CYB5B: variants seen among roughly 807,000 people sequenced by gnomAD.
CYB5B encodes the protein cytochrome b5 type B (outer mitochondrial membrane).
CYB5B carries 14 observed loss-of-function variants against 21.3 expected under a neutral mutation model. The observed-to-expected ratio is 0.66, with a 90% CI of 0.43 to 1.03. The LOEUF (loss-of-function observed/expected upper bound fraction) is 1.03. Ranked by LOEUF, CYB5B falls within the 50% of genes least tolerant of loss-of-function variation. CYB5B has a pLI of 0.00. For missense variants in CYB5B, 166 were observed against 185.1 expected (o/e 0.90, Z 0.60); for synonymous variants, 69 against 68.4 (o/e 1.01, Z -0.04).
intron 1 of CYB5B, among the ~76,000 whole-genome samples, chr16:69,429,039 G>C (rs1401191422): frequency 1.3e-5 from 2 of 152,208 alleles, no homozygotes; most frequent in African/African-American, 4.8e-5. Context: ...TGGAGCAGAA[G>C]AGTGACATGA....
intron 1 of CYB5B, among the ~76,000 whole-genome samples, chr16:69,435,257 T>A (rs1347876650): frequency 6.6e-6 from 1 of 152,214 alleles, no homozygotes. Context: ...ATATATAGAC[T>A]TATTATGGCA....
intron 1 of CYB5B, 83 bp downstream of exon 1, chr16:69,424,940 G>A (rs910297464): frequency 8.8e-6 from 12 of 1,357,204 alleles, no homozygotes; most frequent in Middle Eastern, 2.0e-4. Flanking sequence ...GGGAAGGAAG[G>A]GAGGCTTGGC....
intron 1 of CYB5B, among the ~76,000 whole-genome samples, chr16:69,425,099 T>C (rs8047297): frequency 0.18 from 26,889 of 152,160 alleles, 2,495 homozygotes; most frequent in Middle Eastern, 0.26. Context: ...GTGTCGAGCA[T>C]TTGCTGTGTG....
chr16:69,452,433 C>T (rs2014944336), intron 3 of CYB5B, among the ~76,000 whole-genome samples: 1 of 152,012 alleles, frequency 6.6e-6, no homozygotes, highest in African/African-American at 2.4e-5. Flanking sequence ...GTAGTCCCAG[C>T]ACTTTGGGAG....
chr16:69,439,813 T>A (rs1326813256), intron 1 of CYB5B, among the ~76,000 whole-genome samples: 1 of 151,460 alleles, frequency 6.6e-6, no homozygotes. Context: ...GTGATCCACC[T>A]GCCTCAGCCT....
chr16:69,449,965 C>T (rs1287906214), intron 3 of CYB5B: 1 of 152,248 alleles, frequency 6.6e-6, no homozygotes, highest in Non-Finnish European at 1.5e-5. Context: ...CCTGTAATCC[C>T]TACACTTTGG....
At chr16:69,437,014 AAGTCAGTAGATTTCCCCT>A (rs1287570396) in intron 1 of CYB5B, among the ~76,000 whole-genome samples, 3 of 152,226 alleles carry the variant, frequency 2.0e-5, no homozygotes, top group Admixed American at 6.5e-5. Context: ...ACTTAAGGAA[AAGTCAGTAGATTTCCCCT>A]ACTATCACAT....
chr16:69,428,938 T>C (rs2014676453), intron 1 of CYB5B, among the ~76,000 whole-genome samples: 1 of 152,164 alleles, frequency 6.6e-6, no homozygotes, highest in Admixed American at 6.5e-5. Flanking sequence ...TAGTTGCACA[T>C]GAGATCAGAA....
chr16:69,455,824 G>A (rs1022275105), intron 3 of CYB5B, among the ~76,000 whole-genome samples: 1 of 152,018 alleles, frequency 6.6e-6, no homozygotes, highest in Non-Finnish European at 1.5e-5. Flanking sequence ...TCTACTTACG[G>A]TAGTGCTTCT....
intron 1 of CYB5B, among the ~76,000 whole-genome samples, chr16:69,437,249 A>G (rs2014769733): frequency 6.6e-6 from 1 of 151,978 alleles, no homozygotes; most frequent in South Asian, 2.1e-4. Flanking sequence ...AATATTGTGT[A>G]ACTGCGTACA....
intron 1 of CYB5B, among the ~76,000 whole-genome samples, chr16:69,445,476 C>A (rs1405087097): frequency 6.6e-6 from 1 of 152,000 alleles, no homozygotes; most frequent in Non-Finnish European, 1.5e-5. Flanking sequence ...ATAATTTATT[C>A]CTGCTGAAAT....
intron 2 of CYB5B, 76 bp downstream of exon 2, chr16:69,447,354 A>G: frequency 1.9e-6 from 3 of 1,547,542 alleles, no homozygotes. Flanking sequence ...GAAGAAATGA[A>G]TTATTGGCTG....
At chr16:69,453,538 C>A (rs1317560535) in intron 3 of CYB5B, among the ~76,000 whole-genome samples, 1 of 151,938 alleles carries the variant, frequency 6.6e-6, no homozygotes, top group Non-Finnish European at 1.5e-5. Context: ...TTCCTGATTT[C>A]TTGTGTGTTT....
chr16:69,429,990 G>A (rs554670333), intron 1 of CYB5B, among the ~76,000 whole-genome samples: 11 of 152,070 alleles, frequency 7.2e-5, no homozygotes, highest in Non-Finnish European at 1.2e-4. Flanking sequence ...TAATTGAATT[G>A]TCTTTCCCTG....
At chr16:69,448,177 T>C (rs772960478) in intron 3 of CYB5B, 33 bp downstream of exon 3, 3 of 1,612,134 alleles carry the variant, frequency 1.9e-6, no homozygotes, top group Non-Finnish European at 2.5e-6. Flanking sequence ...TGTGTTTATA[T>C]TTGTGTTTAC....
chr16:69,431,150 C>A lies in CYB5B; in HGVS notation c.174+6293C>A, dbSNP rs947520222. On this transcript the variant is annotated intron_variant, in intron 1 of 4. Coordinates refer to ENST00000307892, the MANE Select transcript of CYB5B (RefSeq NM_030579.3). Reference sequence around the variant, plus strand: ...AGTAGCTGGCACTACAGGTCCCTCCCACCACACCTGGCTAGTTTTTATGAG... The same window carrying A: ...AGTAGCTGGCACTACAGGTCCCTCCAACCACACCTGGCTAGTTTTTATGAG... Among the ~76,000 whole-genome samples the A allele has an allele frequency of 9.2e-5, 14 of 151,986 alleles. No individual in the cohort carries two copies. In the South Asian group the frequency reaches 2.5e-3, roughly 27 times the overall value.
intron 1 of CYB5B, among the ~76,000 whole-genome samples, chr16:69,438,684 C>T (rs1028453295): frequency 3.9e-5 from 6 of 152,076 alleles, no homozygotes; most frequent in African/African-American, 1.4e-4. Context: ...CACATCTTTT[C>T]ATCTTCTTAT....
intron 3 of CYB5B, among the ~76,000 whole-genome samples, chr16:69,455,453 G>C (rs1411242271): frequency 6.7e-6 from 1 of 148,952 alleles, no homozygotes; most frequent in African/African-American, 2.5e-5. Context: ...TTGTCACCAG[G>C]CTGGAGTGCA....
At chr16:69,426,259 C>A (rs986596229) in intron 1 of CYB5B, among the ~76,000 whole-genome samples, 1 of 151,686 alleles carries the variant, frequency 6.6e-6, no homozygotes, top group African/African-American at 2.4e-5. Flanking sequence ...ATTAGCCAGG[C>A]GTGATGGTGG....
Sources: allele counts gnomAD v4.1 joint callset (sites outside exome capture counted in the v4.1 genomes callset), GRCh38; gene constraint gnomAD v4.1.1; transcripts MANE v1.5; gene names NCBI Gene and HGNC (gene_info 2026-07-23, HGNC 2026-07-21).